CTNNA3: variants seen among roughly 807,000 people sequenced by gnomAD.
CTNNA3 encodes the protein catenin alpha 3.
In CTNNA3, 76 loss-of-function variants were observed where a neutral mutation model predicts 95.7. That is an observed-to-expected ratio of 0.79 (90% CI 0.66 to 0.96). The LOEUF is 0.96. Ranked by LOEUF, CTNNA3 falls within the 40% of genes least tolerant of loss-of-function variation. The pLI, the probability that CTNNA3 is intolerant of heterozygous loss-of-function variation, is 0.00. For missense variants in CTNNA3, 1,191 were observed against 1,089.8 expected, an observed-to-expected ratio of 1.09 and a Z score of -1.31; for synonymous variants, 431 against 374.4, an observed-to-expected ratio of 1.15 and a Z score of -1.74.
At chr10:66,556,119 C>T (rs1400895249) in intron 10 of CTNNA3, among the ~76,000 whole-genome samples, 4 of 151,904 alleles carry the variant, frequency 2.6e-5, no homozygotes, top group African/African-American at 7.3e-5. Flanking sequence ...AGGTGCTCAA[C>T]GACACTGATA....
chr10:66,488,592 C>T (rs971666692), intron 11 of CTNNA3, among the ~76,000 whole-genome samples: 1 of 152,124 alleles, frequency 6.6e-6, no homozygotes, highest in Non-Finnish European at 1.5e-5. Flanking sequence ...CCTGATTAAC[C>T]AAATGATTGT....
intron 5 of CTNNA3, among the ~76,000 whole-genome samples, chr10:67,504,864 A>C (rs1238285425): frequency 6.6e-6 from 1 of 152,226 alleles, no homozygotes; most frequent in East Asian, 1.9e-4. Flanking sequence ...ATTTAAAATA[A>C]AGTTCAGGTA....
At chr10:66,661,842 A>T (rs557751852) in intron 9 of CTNNA3, among the ~76,000 whole-genome samples, 1 of 152,278 alleles carries the variant, frequency 6.6e-6, no homozygotes, top group African/African-American at 2.4e-5. Flanking sequence ...GCAAGGTAAG[A>T]GATTTAAGTG....
intron 5 of CTNNA3, among the ~76,000 whole-genome samples, chr10:67,390,395 A>T (rs1332139017): frequency 2.0e-5 from 3 of 152,242 alleles, no homozygotes; most frequent in Admixed American, 6.5e-5. Flanking sequence ...ACAGGATCTG[A>T]AATTGTGGCA....
chr10:66,632,024 T>C (rs1015927276), intron 9 of CTNNA3, among the ~76,000 whole-genome samples: 1 of 152,050 alleles, frequency 6.6e-6, no homozygotes, highest in African/African-American at 2.4e-5. Context: ...ATAAGCACAA[T>C]TATAGATATG....
intron 1 of CTNNA3, among the ~76,000 whole-genome samples, chr10:67,760,597 G>A (rs545514628): frequency 7.2e-5 from 11 of 152,000 alleles, no homozygotes; most frequent in East Asian, 1.9e-4. Context: ...ACCGGTCCGT[G>A]GCCTGTTAGG....
chr10:66,271,152 A>C (rs1418446814), intron 13 of CTNNA3, among the ~76,000 whole-genome samples: 1 of 152,168 alleles, frequency 6.6e-6, no homozygotes, highest in East Asian at 1.9e-4. Context: ...ATTCACTTAG[A>C]GAACTTTTGC....
At chr10:66,607,984 A>G (rs952473998) in intron 10 of CTNNA3, among the ~76,000 whole-genome samples, 2 of 152,176 alleles carry the variant, frequency 1.3e-5, no homozygotes, top group Non-Finnish European at 2.9e-5. Context: ...AAGGGCATGT[A>G]AACAGGAAGA....
At chr10:66,078,464 G>T (rs1324341711) in intron 14 of CTNNA3, among the ~76,000 whole-genome samples, 1 of 151,836 alleles carries the variant, frequency 6.6e-6, no homozygotes, top group Non-Finnish European at 1.5e-5. Flanking sequence ...GCAAATTCTA[G>T]ATGAATTCTG....
intron 12 of CTNNA3, among the ~76,000 whole-genome samples, chr10:66,375,478 A>G (rs2092789635): frequency 6.6e-6 from 1 of 152,114 alleles, no homozygotes; most frequent in African/African-American, 2.4e-5. Flanking sequence ...CATACCTAGT[A>G]TGTAGACTAC....
At chr10:66,082,905 A>G (rs924073377) in intron 14 of CTNNA3, among the ~76,000 whole-genome samples, 3 of 151,912 alleles carry the variant, frequency 2.0e-5, no homozygotes, top group African/African-American at 7.2e-5. Context: ...AAAATACTGC[A>G]TATTTTCTAA....
At chr10:67,628,308 T>A (rs1839027122) in intron 2 of CTNNA3, among the ~76,000 whole-genome samples, 1 of 151,432 alleles carries the variant, frequency 6.6e-6, no homozygotes, top group South Asian at 2.1e-4. Flanking sequence ...TTAATAGGTC[T>A]TTTGAGTATT....
intron 13 of CTNNA3, among the ~76,000 whole-genome samples, chr10:66,161,533 C>T (rs1486009098): frequency 6.6e-6 from 1 of 152,170 alleles, no homozygotes; most frequent in African/African-American, 2.4e-5. Flanking sequence ...GGCCCCAATC[C>T]TTTCTAGCTT....
At chr10:67,095,359 A>G (rs1005116691) in intron 7 of CTNNA3, among the ~76,000 whole-genome samples, 3 of 151,978 alleles carry the variant, frequency 2.0e-5, no homozygotes, top group Middle Eastern at 3.4e-3. Context: ...GTGGATTTAT[A>G]TTTAAACAGT....
intron 1 of CTNNA3, among the ~76,000 whole-genome samples, chr10:67,734,285 A>G (rs935473204): frequency 6.6e-6 from 1 of 152,210 alleles, no homozygotes; most frequent in Non-Finnish European, 1.5e-5. Flanking sequence ...ATCAGTGTGC[A>G]GATAAGACTA....
chr10:67,740,378 A>G (rs1841328823), intron 1 of CTNNA3, among the ~76,000 whole-genome samples: 2 of 151,670 alleles, frequency 1.3e-5, no homozygotes, highest in Admixed American at 6.6e-5. Flanking sequence ...GGCAACCCAC[A>G]AAATGGGAGA....
intron 3 of CTNNA3, among the ~76,000 whole-genome samples, chr10:67,599,809 T>C (rs867872689): frequency 6.6e-6 from 1 of 152,184 alleles, no homozygotes; most frequent in African/African-American, 2.4e-5. Flanking sequence ...TCAGCACAAA[T>C]TGATCCATAG....
chr10:67,475,510 T>C (rs1221904961), intron 5 of CTNNA3, among the ~76,000 whole-genome samples: 2 of 152,182 alleles, frequency 1.3e-5, no homozygotes, highest in Non-Finnish European at 2.9e-5. Context: ...GGGAAGATGA[T>C]GGGTTTAAAA....
At chr10:65,928,375 C>T (rs948597592) in intron 17 of CTNNA3, among the ~76,000 whole-genome samples, 2 of 152,146 alleles carry the variant, frequency 1.3e-5, no homozygotes, top group African/African-American at 2.4e-5. Flanking sequence ...GCTAACATCA[C>T]TTTCTCAGGG....
Sources: gnomAD v4.1 joint callset for allele counts (sites outside exome capture counted in the v4.1 genomes callset) on GRCh38, gnomAD v4.1.1 for gene constraint, MANE v1.5 for transcripts, NCBI Gene and HGNC (gene_info 2026-07-23, HGNC 2026-07-21) for gene names.